ZFYVE1: variants seen among roughly 807,000 people sequenced by gnomAD.
The protein encoded by ZFYVE1 is zinc finger FYVE-type containing 1.
Under a neutral mutation model 74.4 loss-of-function variants are expected in ZFYVE1, and 30 were observed. The observed-to-expected ratio is 0.40, with a 90% CI of 0.30 to 0.55. The LOEUF (loss-of-function observed/expected upper bound fraction) is 0.55. Ranked by LOEUF, ZFYVE1 falls within the 20% of genes least tolerant of loss-of-function variation. ZFYVE1 has a pLI of 0.42. For synonymous variants in ZFYVE1, 335 were observed against 385.1 expected, an observed-to-expected ratio of 0.87 and a Z score of 1.52; for missense variants, 703 against 1,011.6, an observed-to-expected ratio of 0.69 and a Z score of 4.14.
chr14:72,998,216 G>A lies in ZFYVE1; in HGVS notation c.583C>T (p.His195Tyr). The A allele has an allele frequency of 3.7e-6, 6 of 1,613,324 alleles. No individual in the cohort carries two copies. Among genetic ancestry groups the A allele is most frequent in the Non-Finnish European group, 5.1e-6 (6 of 1,179,860 alleles). Residue 195 changes from histidine to tyrosine, a missense_variant, in exon 3 of 12, where the codon CAT becomes TAT. His to Tyr is a moderately conservative substitution (Grantham distance 83). Around this residue, in one of 2 missense-constraint regions of ZFYVE1, gnomAD observed 492 missense variants for 790.0 expected, o/e 0.62. Transcript: ENST00000556143. ...IFGNTGDGKS[H>Y]TLNHTFFYGR... ...TAAAAGAAAGTGTGGTTGAGAGTATGAGACTTTCCATCACCAGTATTTCCA... is the reference window on the plus strand; with the variant it reads ...TAAAAGAAAGTGTGGTTGAGAGTATAAGACTTTCCATCACCAGTATTTCCA...
intron 4 of ZFYVE1, among the ~76,000 whole-genome samples, chr14:72,992,756 GT>G (rs1004285586): frequency 6.6e-6 from 1 of 151,822 alleles, no homozygotes; most frequent in Non-Finnish European, 1.5e-5. Context: ...ATAACAAAAA[GT>G]TTCCTCTATG....
chr14:73,020,259 CAA>C (rs33955263), intron 2 of ZFYVE1, among the ~76,000 whole-genome samples: 4 of 106,372 alleles, frequency 3.8e-5, no homozygotes, highest in Non-Finnish European at 5.3e-5. Flanking sequence ...GACTCCATCT[CAA>C]AAAAAAAAAA....
chr14:72,978,625 A>G (rs1893242881), intron 6 of ZFYVE1, among the ~76,000 whole-genome samples: 1 of 151,366 alleles, frequency 6.6e-6, no homozygotes, highest in Non-Finnish European at 1.5e-5. Flanking sequence ...AATTACCCTT[A>G]CATACAAGCT....
intron 4 of ZFYVE1, among the ~76,000 whole-genome samples, chr14:72,983,777 G>A (rs1429716179): frequency 1.3e-5 from 2 of 152,226 alleles, no homozygotes; most frequent in Admixed American, 6.6e-5. Flanking sequence ...GAATCGCCAC[G>A]CTGGTTGAAC....
intron 2 of ZFYVE1, among the ~76,000 whole-genome samples, chr14:73,012,482 C>T (rs978906262): frequency 2.0e-5 from 3 of 152,018 alleles, no homozygotes; most frequent in Admixed American, 6.6e-5. Context: ...ATTAGCTGGA[C>T]GTAGTGGTGT....
chr14:73,000,129 T>C (rs757387932), intron 2 of ZFYVE1, among the ~76,000 whole-genome samples: 1 of 152,036 alleles, frequency 6.6e-6, no homozygotes, highest in Non-Finnish European at 1.5e-5. Context: ...TACAAAGAAA[T>C]CTTACAACTC....
chr14:73,014,045 C>T (rs1296730589), intron 2 of ZFYVE1, among the ~76,000 whole-genome samples: 1 of 152,058 alleles, frequency 6.6e-6, no homozygotes, highest in Admixed American at 6.6e-5. Flanking sequence ...CTCAAAAAGC[C>T]AAATGCCTGC....
chr14:73,003,014 T>A (rs1893905797), intron 2 of ZFYVE1, among the ~76,000 whole-genome samples: 2 of 150,826 alleles, frequency 1.3e-5, no homozygotes, highest in Admixed American at 1.3e-4. Context: ...AGCACTGGGA[T>A]TACAGGTGTG....
At chr14:72,994,401 T>A (rs1893697149) in intron 3 of ZFYVE1, among the ~76,000 whole-genome samples, 1 of 148,634 alleles carries the variant, frequency 6.7e-6, no homozygotes, top group Non-Finnish European at 1.5e-5. Context: ...GCAGAGCTGA[T>A]CTATGCTGTG....
At chr14:73,022,428 C>G (rs776327974) in intron 2 of ZFYVE1, among the ~76,000 whole-genome samples, 4 of 152,112 alleles carry the variant, frequency 2.6e-5, no homozygotes, top group Non-Finnish European at 5.9e-5. Context: ...AAGGAGTCAC[C>G]ACCATCAAAA....
chr14:72,975,695 G>A lies in ZFYVE1; in HGVS notation c.1662C>T (p.Asn554=). ...PGTDGFLKDN[N]NAAQRLLDGM... ...CGTCCAACAGGCGCTGGGCAGCATT[G>A]TTGTTGTCCTTCAGAAACCCATCAG... The change falls in exon 9 of 12, where the codon AAC becomes AAT. Residue 554 remains asparagine, a synonymous_variant. Transcript: ENST00000556143. The surrounding 1 kb of genome is among the most constrained non-coding windows in gnomAD (Gnocchi z 4.1). 6.2e-7 allele frequency: 1 copy of A among 1,614,148 alleles called. No individual in the cohort carries two copies. Among genetic ancestry groups the A allele is most frequent in the Non-Finnish European group, 8.5e-7 (1 of 1,180,034 alleles).
chr14:73,011,686 A>G (rs1359583023), intron 2 of ZFYVE1, among the ~76,000 whole-genome samples: 2 of 149,804 alleles, frequency 1.3e-5, no homozygotes, highest in Non-Finnish European at 1.5e-5. Flanking sequence ...TGCCAGGCTA[A>G]TTTTTTTGTA....
In ZFYVE1 at chr14:72,978,915, G is replaced by C. The variant is rs200821570; in HGVS notation, c.1365C>G (p.Ala455=). ...NHGKEGVPHE[A]KSRCRYSHQY... Reference sequence around the variant, plus strand: ...GGTGGGAGTATCTGCAGCGGCTCTTGGCTTCATGAGGCACTCCTTCCTTCC... The same window carrying C: ...GGTGGGAGTATCTGCAGCGGCTCTTCGCTTCATGAGGCACTCCTTCCTTCC... Residue 455 remains alanine, a synonymous_variant, in exon 6 of 12, where the codon GCC becomes GCG. Transcript: ENST00000556143. 68 of 1,614,092 alleles carry C rather than the reference G, an allele frequency of 4.2e-5. No individual in the cohort carries two copies. In the East Asian group the frequency reaches 1.5e-3, roughly 35 times the overall value.
Position 72,975,419 on chromosome 14 carries a change from G to A in ZFYVE1, c.1806+132C>T. On this transcript the variant is annotated intron_variant, in intron 9 of 11. Transcript: ENST00000556143. The surrounding 1 kb of genome is among the most constrained non-coding windows in gnomAD (Gnocchi z 4.1). ...GCCTCAACGACTCCTCCCCTTGCCG[G>A]TACTCACAGAGCTCACTGCACTGGC... 2 of 1,172,618 alleles carry A rather than the reference G, an allele frequency of 1.7e-6. No individual in the cohort carries two copies. The highest frequency in any genetic ancestry group is 3.2e-5 in the South Asian group (2 of 62,160). 72.6% of individuals were successfully genotyped at this position (1,172,618 alleles called of 1,614,324 possible).
At chr14:72,972,345 G>A (rs1197514340) in intron 11 of ZFYVE1, among the ~76,000 whole-genome samples, 5 of 152,222 alleles carry the variant, frequency 3.3e-5, no homozygotes, top group African/African-American at 4.8e-5. Context: ...CCCTGTGGGC[G>A]CTCAGAATGG....
At chr14:73,009,400 C>A (rs548381180) in intron 2 of ZFYVE1, among the ~76,000 whole-genome samples, 5 of 152,340 alleles carry the variant, frequency 3.3e-5, no homozygotes, top group African/African-American at 1.2e-4. Context: ...GACATCATTG[C>A]TGCTTTGCCC....
intron 3 of ZFYVE1, among the ~76,000 whole-genome samples, chr14:72,995,259 A>G (rs1305159711): frequency 6.6e-6 from 1 of 151,806 alleles, no homozygotes; most frequent in African/African-American, 2.4e-5. Context: ...CATACACTTG[A>G]CTAATTGTTG....
intron 11 of ZFYVE1, 148 bp downstream of exon 11, chr14:72,973,932 A>G: frequency 1.5e-6 from 1 of 652,662 alleles, no homozygotes; most frequent in Non-Finnish European, 2.7e-6. Flanking sequence ...ATTCAGCAGA[A>G]GCAAGCAAAT....
At chr14:72,992,630 T>C (rs56253422) in intron 4 of ZFYVE1, among the ~76,000 whole-genome samples, 1,247 of 54,882 alleles carry the variant, frequency 0.023, 58 homozygotes, top group Middle Eastern at 0.057. Context: ...CCCCGCCCCT[T>C]GCAAGAGAGA....
Sources: gnomAD v4.1 joint callset for allele counts (sites outside exome capture counted in the v4.1 genomes callset) on GRCh38, gnomAD v4.1.1 for gene constraint, gnomAD v4.1.1 regional missense constraint, Gnocchi (gnomAD v3.1) non-coding constraint, MANE v1.5 for transcripts, NCBI Gene and HGNC (gene_info 2026-07-23, HGNC 2026-07-21) for gene names.